The following MITF variants were observed in gnomAD, a reference collection of about 807,000 sequenced individuals.
The protein encoded by MITF is microphthalmia-associated transcription factor.
MITF carries 17 observed loss-of-function variants against 60.5 expected under a neutral mutation model. That is an observed-to-expected ratio of 0.28 (90% confidence interval 0.19 to 0.42). The LOEUF (loss-of-function observed/expected upper bound fraction) is 0.42, where lower values mean the gene tolerates loss of function less well. Among genes scored for constraint, MITF ranks in the 10% least tolerant of loss-of-function variants. MITF has a pLI of 1.00. For synonymous variants in MITF, 260 were observed against 248.5 expected (o/e 1.05, Z -0.43); for missense variants, 622 against 683.5 (o/e 0.91, Z 1.00).
At position 69,820,170 on chromosome 3, in the gene MITF, A is replaced by G. The variant is rs77243159; in HGVS notation, c.105-58964A>G. Among the ~76,000 whole-genome samples the G allele has an allele frequency of 8.0e-3, 1,226 of 152,354 alleles. 11 individuals carry two copies. Among genetic ancestry groups the G allele is most frequent in the Non-Finnish European group, 0.014 (947 of 68,024 alleles). Reference sequence around the variant, plus strand: ...TTTTAATATAGATTCGTTTTGAATTATGTTTTGGGTAAATAAGGTAGTAAA... The same window carrying G: ...TTTTAATATAGATTCGTTTTGAATTGTGTTTTGGGTAAATAAGGTAGTAAA... On this transcript the variant is annotated intron_variant, in intron 1 of 9. Coordinates refer to ENST00000352241, the MANE Select transcript of MITF (RefSeq NM_001354604.2).
intron 1 of MITF, among the ~76,000 whole-genome samples, chr3:69,783,861 C>A (rs1376776013): frequency 6.6e-6 from 1 of 152,172 alleles, no homozygotes; most frequent in Non-Finnish European, 1.5e-5. Context: ...CAGGAATCTG[C>A]ATGTCGCTCA....
Position 69,774,321 on chromosome 3 carries a change from G to A in MITF, c.104+34620G>A, listed in dbSNP as rs559873588. 1.1e-3 allele frequency among the ~76,000 whole-genome samples: 173 copies of A among 152,228 alleles called. 1 individual carries two copies. The highest frequency in any genetic ancestry group is 1.5e-3 in the Non-Finnish European group (105 of 67,994). On this transcript the variant is annotated intron_variant, in intron 1 of 9. Transcript: ENST00000352241. ...CTTATTAGAAGATGGTTTAGGGACC[G>A]TCTTTTATTATTCAAGAATGTCCTT...
At chr3:69,830,166 T>G (rs1181657940) in intron 1 of MITF, among the ~76,000 whole-genome samples, 1 of 152,126 alleles carries the variant, frequency 6.6e-6, no homozygotes, top group African/African-American at 2.4e-5. Flanking sequence ...TTCATCAGGT[T>G]CTATCGGTGG....
chr3:69,823,094 G>A (rs2063301834), intron 1 of MITF, among the ~76,000 whole-genome samples: 1 of 152,090 alleles, frequency 6.6e-6, no homozygotes, highest in African/African-American at 2.4e-5. Context: ...GGCCAGGCTG[G>A]TCTCGAACTC....
intron 1 of MITF, among the ~76,000 whole-genome samples, chr3:69,760,163 T>G (rs1388017134): frequency 1.3e-5 from 2 of 152,166 alleles, no homozygotes; most frequent in East Asian, 3.9e-4. Flanking sequence ...GCTTCACTGT[T>G]CAGATATGGT....
intron 7 of MITF, among the ~76,000 whole-genome samples, chr3:69,953,450 A>T (rs2066307959): frequency 6.6e-6 from 1 of 152,026 alleles, no homozygotes; most frequent in Non-Finnish European, 1.5e-5. Flanking sequence ...TTAATACTCA[A>T]GGTTAGATTG....
At chr3:69,746,118 G>GA (rs1434008242) in intron 1 of MITF, among the ~76,000 whole-genome samples, 4 of 152,222 alleles carry the variant, frequency 2.6e-5, no homozygotes, top group Non-Finnish European at 5.9e-5. Flanking sequence ...GGGAACACTT[G>GA]ATTAAAGTGG....
Position 69,890,749 on chromosome 3 carries a change from G to A in MITF, c.354+11366G>A, listed in dbSNP as rs755074677. On this transcript the variant is annotated intron_variant, in intron 2 of 9. Coordinates refer to ENST00000352241, the MANE Select transcript of MITF (RefSeq NM_001354604.2). The stretch of plus-strand genomic sequence containing the variant: ...TCTGTTTTGATAGTAATTTTCAACC[G>A]CTTATTAAACCAGAAATAATACCTA... Among the ~76,000 whole-genome samples the A allele has an allele frequency of 5.3e-5, 8 of 151,958 alleles. No individual in the cohort carries two copies. In the South Asian group the frequency reaches 8.3e-4, roughly 16 times the overall value.
At chr3:69,958,558 A>G (rs1576052472) in intron 8 of MITF, among the ~76,000 whole-genome samples, 3 of 151,880 alleles carry the variant, frequency 2.0e-5, no homozygotes, top group Admixed American at 6.6e-5. Context: ...TAGCCTGCCC[A>G]TGATAATCCT....
chr3:69,839,256 C>G (rs62252229), intron 1 of MITF, among the ~76,000 whole-genome samples: 23,209 of 151,524 alleles, frequency 0.15, 2,024 homozygotes, highest in Non-Finnish European at 0.21. Flanking sequence ...GAAGATTCTC[C>G]AAGCCGTTAC....
At chr3:69,929,822 A>G (rs2065677805) in intron 2 of MITF, among the ~76,000 whole-genome samples, 1 of 152,134 alleles carries the variant, frequency 6.6e-6, no homozygotes, top group Non-Finnish European at 1.5e-5. Flanking sequence ...GGCTTGGATC[A>G]GATGGTAACA....
chr3:69,820,074 T>C (rs2063244215), intron 1 of MITF, among the ~76,000 whole-genome samples: 1 of 152,228 alleles, frequency 6.6e-6, no homozygotes, highest in South Asian at 2.1e-4. Context: ...AGACGTACTG[T>C]ATGTGTGAAA....
intron 1 of MITF, among the ~76,000 whole-genome samples, chr3:69,794,432 T>C (rs530257264): frequency 2.0e-5 from 3 of 152,290 alleles, no homozygotes; most frequent in African/African-American, 7.2e-5. Flanking sequence ...CTTTTCCAAA[T>C]AGATGACTGT....
At position 69,966,755 on chromosome 3, in the gene MITF, G is replaced by A; in HGVS notation, c.*1507G>A. The A allele has an allele frequency of 4.3e-6, 1 of 232,978 alleles. No homozygotes were observed. The highest frequency in any genetic ancestry group is 8.5e-6 in the Non-Finnish European group (1 of 117,648). The allele number at this position is 232,978 out of a possible 1,614,324, so 14.4% of individuals were successfully genotyped here. On this transcript the variant is annotated 3_prime_UTR_variant, in exon 10 of 10. Coordinates refer to ENST00000352241, the MANE Select transcript of MITF (RefSeq NM_001354604.2). ...AGATGCCATATAGTGTTATGAGCCA[G>A]GCTGTTGAATGGAATTTCTCAGTAG...
chr3:69,816,016 C>T (rs1374754131), intron 1 of MITF, among the ~76,000 whole-genome samples: 1 of 152,158 alleles, frequency 6.6e-6, no homozygotes, highest in Non-Finnish European at 1.5e-5. Context: ...GAAGTCTCTC[C>T]ACTTCTGCAG....
intron 1 of MITF, among the ~76,000 whole-genome samples, chr3:69,854,507 T>C (rs1047806937): frequency 6.6e-6 from 1 of 152,212 alleles, no homozygotes; most frequent in African/African-American, 2.4e-5. Flanking sequence ...TGAGTTTTTA[T>C]TTGTGTTATT....
intron 1 of MITF, among the ~76,000 whole-genome samples, chr3:69,768,845 T>G (rs2062344117): frequency 6.6e-6 from 1 of 152,202 alleles, no homozygotes; most frequent in Admixed American, 6.5e-5. Flanking sequence ...AGGAAGCCAT[T>G]GTAAGTTCAA....
chr3:69,967,108 C>T lies in MITF; in HGVS notation c.*1860C>T, dbSNP rs2066707603. 1 of 232,596 alleles carries T rather than the reference C, an allele frequency of 4.3e-6. No homozygotes were observed. Among genetic ancestry groups the T allele is most frequent in the Non-Finnish European group, 8.5e-6 (1 of 117,498 alleles). 14.4% of individuals were successfully genotyped at this position (232,596 alleles called of 1,614,324 possible). Reference sequence around the variant, plus strand: ...AATTGGTGATGGGTGATGGAGGGTTCAGAGAGGAGTGATCGTCAGATGTGT... The same window carrying T: ...AATTGGTGATGGGTGATGGAGGGTTTAGAGAGGAGTGATCGTCAGATGTGT... On this transcript the variant is annotated 3_prime_UTR_variant, in exon 10 of 10. Coordinates refer to ENST00000352241, the MANE Select transcript of MITF (RefSeq NM_001354604.2).
At chr3:69,769,148 T>G (rs2062351733) in intron 1 of MITF, among the ~76,000 whole-genome samples, 1 of 152,230 alleles carries the variant, frequency 6.6e-6, no homozygotes, top group African/African-American at 2.4e-5. Context: ...TGTACTACTG[T>G]ATGACATTGA....
Sources: gnomAD v4.1 joint callset for allele counts (sites outside exome capture counted in the v4.1 genomes callset) on GRCh38, gnomAD v4.1.1 for gene constraint, MANE v1.5 for transcripts, NCBI Gene and HGNC (gene_info 2026-07-23, HGNC 2026-07-21) for gene names.